The following FAP variants were observed in gnomAD, a reference collection of about 807,000 sequenced individuals.
The protein encoded by FAP is prolyl endopeptidase FAP.
FAP carries 110 observed loss-of-function variants against 126.5 expected under a neutral mutation model. The observed-to-expected ratio is 0.87, with a 90% CI of 0.74 to 1.02. The LOEUF (loss-of-function observed/expected upper bound fraction) is 1.02. Ranked by LOEUF, FAP falls within the 50% of genes least tolerant of loss-of-function variation. The pLI, the probability that FAP is intolerant of heterozygous loss-of-function variation, is 0.00. For missense variants in FAP, 919 were observed against 909.2 expected (o/e 1.01, Z -0.14); for synonymous variants, 334 against 297.3 (o/e 1.12, Z -1.27).
intron 2 of FAP, among the ~76,000 whole-genome samples, chr2:162,236,206 G>T (rs1402943027): frequency 1.3e-5 from 2 of 152,062 alleles, no homozygotes; most frequent in African/African-American, 4.8e-5. Flanking sequence ...TGGCATGCTG[G>T]TATTTTGTGG....
chr2:162,234,428 G>A (rs763463520), intron 2 of FAP, among the ~76,000 whole-genome samples: 8 of 152,046 alleles, frequency 5.3e-5, no homozygotes, highest in South Asian at 2.1e-4. Context: ...CATGGATCTC[G>A]TATCCTGCAA....
In FAP at chr2:162,221,669, TA is replaced by T. The variant is rs1017428771; in HGVS notation, c.414-1745del. On this transcript the variant is annotated intron_variant, in intron 6 of 25. Transcript: ENST00000188790. Reference sequence around the variant, plus strand: ...TGCAATCACACAAGCAGCACTAAGCTAAAAATCTCAGCGCATGTCTCAAGCC... The same window carrying T: ...TGCAATCACACAAGCAGCACTAAGCTAAAATCTCAGCGCATGTCTCAAGCC... 2.8e-5 allele frequency: 13 copies of T among 456,598 alleles called. 1 individual carries two copies. The highest frequency in any genetic ancestry group is 2.1e-4 in the Admixed American group (9 of 42,550). 28.3% of individuals were successfully genotyped at this position (456,598 alleles called of 1,614,324 possible).
intron 6 of FAP, among the ~76,000 whole-genome samples, chr2:162,221,296 T>C (rs1293150007): frequency 6.6e-6 from 1 of 152,070 alleles, no homozygotes; most frequent in Non-Finnish European, 1.5e-5. Context: ...TCCCAGCACT[T>C]TGGGCGGCGG....
intron 6 of FAP, among the ~76,000 whole-genome samples, chr2:162,222,733 T>C (rs1180805274): frequency 6.6e-6 from 1 of 152,156 alleles, no homozygotes; most frequent in Non-Finnish European, 1.5e-5. Context: ...GAATCCTTAT[T>C]GTCATCAGAA....
intron 21 of FAP, among the ~76,000 whole-genome samples, chr2:162,179,999 G>A (rs1687641806): frequency 6.6e-6 from 1 of 151,672 alleles, no homozygotes; most frequent in Admixed American, 6.6e-5. Flanking sequence ...AGTAGAGACG[G>A]GGTTTCGTCA....
In FAP at chr2:162,185,547, A is replaced by T. The variant is rs377362107; in HGVS notation, c.1815-2079T>A. Among the ~76,000 whole-genome samples, 28 of 152,248 alleles carry T rather than the reference A, an allele frequency of 1.8e-4. No individual in the cohort carries two copies. The East Asian group carries it at 5.2e-3, about 28-fold the overall frequency. On this transcript the variant is annotated intron_variant, in intron 20 of 25. Transcript: ENST00000188790. ...CCCTTATGTCTGTAGCTTCACAAAC[A>T]TCTCTTCTGACGCATTTTCTTTCAC...
At chr2:162,235,931 A>T (rs1690111411) in intron 2 of FAP, among the ~76,000 whole-genome samples, 1 of 152,080 alleles carries the variant, frequency 6.6e-6, no homozygotes, top group African/African-American at 2.4e-5. Flanking sequence ...ATTAAGTGTG[A>T]TGTTAACTAT....
rs1230824584 is a variant in FAP, at chr2:162,189,158, T to C, written c.1564A>G (p.Met522Val). The stretch of plus-strand genomic sequence containing the variant: ...CTGTCAAATTGAGGAGGAAGAATCA[T>C]CTTGTACCATAAAGCTTTGAGGAAA... Reference protein sequence around the residue: ...EVDEITLWYKMILPPQFDRSK... With the variant: ...EVDEITLWYKVILPPQFDRSK... The change falls in exon 19 of 26, where the codon ATG becomes GTG. Residue 522 changes from methionine (M) to valine (V), a missense_variant. By Grantham distance (21) the Met-to-Val change is conservative (BLOSUM62 1). Coordinates refer to ENST00000188790, the MANE Select transcript of FAP (RefSeq NM_004460.5). 2 of 1,600,290 alleles carry C rather than the reference T, an allele frequency of 1.2e-6. No homozygotes were observed. The highest frequency in any genetic ancestry group is 2.2e-5 in the South Asian group (2 of 89,152).
At chr2:162,226,496 A>G (rs188833755) in intron 3 of FAP, 27 bp downstream of exon 3, 17 of 1,226,046 alleles carry the variant, frequency 1.4e-5, no homozygotes, top group Non-Finnish European at 1.9e-5. Flanking sequence ...CATAAAAAAA[A>G]CCCCTAAAGA....
intron 16 of FAP, 88 bp from the exon 17 acceptor site, chr2:162,194,836 GTGTCAAGT>G: frequency 8.9e-7 from 1 of 1,129,182 alleles, no homozygotes; most frequent in Non-Finnish European, 1.3e-6. Flanking sequence ...TTTGTGATTA[GTGTCAAGT>G]GCCAGTACAT....
Position 162,224,505 on chromosome 2 carries a change from A to G in FAP, c.321T>C (p.Pro107=). The G allele has an allele frequency of 1.2e-6, 2 of 1,601,390 alleles. No homozygotes were observed. The highest frequency in any genetic ancestry group is 1.7e-6 in the Non-Finnish European group (2 of 1,175,398). ...TTTCTAGATATACAAATTGCCGATC[A>G]GGTGATAAGCCGTAATTTGAAGCAT... The part of the protein sequence containing the change: ...SVNASNYGLS[P]DRQFVYLESD... Residue 107 remains proline (P), a synonymous_variant, in exon 5 of 26, where the codon CCT becomes CCC. Coordinates refer to ENST00000188790, the MANE Select transcript of FAP (RefSeq NM_004460.5).
intron 6 of FAP, chr2:162,221,790 C>T (rs750435809): frequency 1.1e-5 from 5 of 454,418 alleles, no homozygotes; most frequent in Admixed American, 2.4e-5. Flanking sequence ...CTCAGTTTTG[C>T]CTACCTAGCT....
intron 2 of FAP, among the ~76,000 whole-genome samples, chr2:162,237,616 G>A (rs1690191202): frequency 6.6e-6 from 1 of 152,224 alleles, no homozygotes; most frequent in South Asian, 2.1e-4. Flanking sequence ...GGGCATTTGG[G>A]TTGGTTCCAA....
chr2:162,201,209 G>A (rs1423170805), intron 14 of FAP, among the ~76,000 whole-genome samples: 2 of 152,274 alleles, frequency 1.3e-5, no homozygotes, highest in Non-Finnish European at 1.5e-5. Flanking sequence ...TCACTCTGCT[G>A]TATGTTCATC....
At chr2:162,173,012 T>A in intron 24 of FAP, 128 bp from the exon 25 acceptor site, 1 of 1,097,730 alleles carries the variant, frequency 9.1e-7, no homozygotes, top group South Asian at 1.3e-5. Flanking sequence ...CAGTGAGTAA[T>A]CACACTCAGA....
At chr2:162,171,202 A>T in intron 25 of FAP, 122 bp from the exon 26 acceptor site, 1 of 652,490 alleles carries the variant, frequency 1.5e-6, no homozygotes. Flanking sequence ...ACCTAAGAAC[A>T]CTCAAATAAG....
At chr2:162,222,441 T>C (rs548817170) in intron 6 of FAP, among the ~76,000 whole-genome samples, 1 of 152,340 alleles carries the variant, frequency 6.6e-6, no homozygotes, top group South Asian at 2.1e-4. Flanking sequence ...TTTCTTAATT[T>C]GACAGTTTAT....
rs972993957 is a variant in FAP, at chr2:162,175,089, T to C, written c.1870-123A>G. 27 of 629,576 alleles carry C rather than the reference T, an allele frequency of 4.3e-5. No individual in the cohort carries two copies. In the African/African-American group the frequency reaches 4.8e-4, roughly 11 times the overall value. The allele number at this position is 629,576 out of a possible 1,614,324, so 39.0% of individuals were successfully genotyped here. ...GCTGGAGAATATGGCTAAGGGTGGATTACATGTCTATCTTGCATCCTCGGC... is the reference window on the plus strand; with the variant it reads ...GCTGGAGAATATGGCTAAGGGTGGACTACATGTCTATCTTGCATCCTCGGC... On this transcript the variant is annotated intron_variant, in intron 21 of 25. Transcript: ENST00000188790.
At chr2:162,187,530 T>G (rs943446301) in intron 20 of FAP, among the ~76,000 whole-genome samples, 3 of 152,134 alleles carry the variant, frequency 2.0e-5, no homozygotes, top group Admixed American at 1.3e-4. Flanking sequence ...ATAGTCCTGT[T>G]TCAGGAAAAG....
Sources: allele counts gnomAD v4.1 joint callset (sites outside exome capture counted in the v4.1 genomes callset), GRCh38; gene constraint gnomAD v4.1.1; transcripts MANE v1.5; gene names NCBI Gene and HGNC (gene_info 2026-07-23, HGNC 2026-07-21).